SH3KBP1: variants seen among roughly 807,000 people sequenced by gnomAD.
SH3KBP1 encodes the protein SH3 domain containing kinase binding protein 1.
SH3KBP1 carries 8 observed loss-of-function variants against 50.1 expected under a neutral mutation model. That is an observed-to-expected ratio of 0.16 (90% CI 0.09 to 0.29). The LOEUF is 0.29. SH3KBP1 is among the 10% of genes least tolerant of loss of function. SH3KBP1 has a pLI of 1.00. For missense variants in SH3KBP1, 377 were observed against 535.2 expected (o/e 0.70, Z 2.92); for synonymous variants, 227 against 218.6 (o/e 1.04, Z -0.34).
intron 1 of SH3KBP1, among the ~76,000 whole-genome samples, chrX:19,869,071 G>A (rs962587624): frequency 9.0e-6 from 1 of 111,173 alleles, no homozygotes; most frequent in African/African-American, 3.3e-5. Flanking sequence ...GGTGATGTGA[G>A]GAAGAGGCCA....
At chrX:19,721,510 T>A (rs1342561110) in intron 3 of SH3KBP1, among the ~76,000 whole-genome samples, 1 of 112,391 alleles carries the variant, frequency 8.9e-6, no homozygotes, top group African/African-American at 3.2e-5. Flanking sequence ...TAATAAAGCA[T>A]ATGTCTTGCT....
At chrX:19,684,215 C>A (rs190098660) in intron 5 of SH3KBP1, among the ~76,000 whole-genome samples, 187 bp from the exon 6 acceptor site, 43 of 112,252 alleles carry the variant, frequency 3.8e-4, no homozygotes, top group Non-Finnish European at 6.9e-4. Context: ...TCTCCCCACC[C>A]CTTACTTTTA....
At chrX:19,587,321 G>A (rs1214942744) in intron 12 of SH3KBP1, among the ~76,000 whole-genome samples, 1 of 110,853 alleles carries the variant, frequency 9.0e-6, no homozygotes, top group African/African-American at 3.3e-5. Context: ...AATGGCGGCT[G>A]CCAGGGGCTG....
chrX:19,651,067 C>T lies in SH3KBP1; in HGVS notation c.727-5592G>A, dbSNP rs770918064. Among the ~76,000 whole-genome samples the T allele has an allele frequency of 2.7e-5, 3 of 110,546 alleles. No homozygotes were observed. In the South Asian group the frequency reaches 1.2e-3, roughly 43 times the overall value. ...CTTTTTATATTTATTTTTACATGTC[C>T]CCTTCATGAACACCTATGACAGATG... is the stretch of plus-strand genomic sequence containing the variant. On this transcript the variant is annotated intron_variant, in intron 6 of 17. Coordinates refer to ENST00000397821, the MANE Select transcript of SH3KBP1 (RefSeq NM_031892.3).
intron 5 of SH3KBP1, among the ~76,000 whole-genome samples, chrX:19,692,253 G>A (rs2148626480): frequency 9.0e-6 from 1 of 111,371 alleles, no homozygotes; most frequent in South Asian, 3.7e-4. Flanking sequence ...ATCTAAGAAA[G>A]TTTAGAGACT....
chrX:19,810,762 T>TA (rs988562915), intron 2 of SH3KBP1, among the ~76,000 whole-genome samples: 32 of 111,593 alleles, frequency 2.9e-4, no homozygotes, highest in African/African-American at 9.4e-4. Context: ...TAAATTGAAT[T>TA]AAAAAAAATC....
intron 3 of SH3KBP1, among the ~76,000 whole-genome samples, chrX:19,741,323 C>A (rs970311677): frequency 1.8e-5 from 2 of 111,992 alleles, no homozygotes; most frequent in East Asian, 5.6e-4. Context: ...AGACCTGTTA[C>A]AAATAACATC....
intron 2 of SH3KBP1, among the ~76,000 whole-genome samples, chrX:19,765,028 G>A (rs2065559585): frequency 1.1e-5 from 1 of 90,547 alleles, no homozygotes; most frequent in African/African-American, 4.2e-5. Context: ...TAGAGACGGG[G>A]TTTCACCATG....
chrX:19,871,406 T>C (rs2069037472), intron 1 of SH3KBP1, among the ~76,000 whole-genome samples: 1 of 112,640 alleles, frequency 8.9e-6, no homozygotes, highest in Non-Finnish European at 1.9e-5. Context: ...TTGTTTGTCC[T>C]ACAAATTCAA....
chrX:19,541,865 G>A (rs2064914959), intron 16 of SH3KBP1, 60 bp downstream of exon 16: 1 of 1,145,155 alleles, frequency 8.7e-7, no homozygotes, highest in Non-Finnish European at 1.2e-6. Flanking sequence ...TTCAGAACTA[G>A]GTGCTGGCCT....
chrX:19,655,316 G>A (rs998884373), intron 6 of SH3KBP1, among the ~76,000 whole-genome samples: 2 of 112,117 alleles, frequency 1.8e-5, no homozygotes, highest in Non-Finnish European at 3.8e-5. Flanking sequence ...GCCAGATGCT[G>A]TATCTACAAA....
At chrX:19,876,204 C>CA (rs1431821974) in intron 1 of SH3KBP1, among the ~76,000 whole-genome samples, 1 of 110,764 alleles carries the variant, frequency 9.0e-6, no homozygotes, top group Non-Finnish European at 1.9e-5. Context: ...ACTAAAAATA[C>CA]AAAAAAATTA....
chrX:19,704,303 G>A (rs887055779), intron 4 of SH3KBP1, among the ~76,000 whole-genome samples: 3 of 112,569 alleles, frequency 2.7e-5, no homozygotes, highest in African/African-American at 6.5e-5. Context: ...ACAGCTCTGC[G>A]AGTGCTCCTC....
chrX:19,551,550 C>CTTTTTTTTTTTTTTTTTTTTTTT lies in SH3KBP1; in HGVS notation c.1385-1468_1385-1467insAAAAAAAAAAAAAAAAAAAAAAA, dbSNP rs397800260. The stretch of plus-strand genomic sequence containing the variant: ...CTTTCTTTTCTTTCCCTCCCTCCCT[C>CTTTTTTTTTTTTTTTTTTTTTTT]TTTTTTTTTTTTTTGACAGGGTCTT... On this transcript the variant is annotated intron_variant, in intron 13 of 17. Transcript: ENST00000397821. Among the ~76,000 whole-genome samples the CTTTTTTTTTTTTTTTTTTTTTTT allele has an allele frequency of 1.1e-3, 100 of 95,106 alleles. 5 individuals carry two copies. Among genetic ancestry groups the CTTTTTTTTTTTTTTTTTTTTTTT allele is most frequent in the African/African-American group, 4.3e-3 (99 of 23,192 alleles). The allele number at this position is 95,106 out of a possible 115,157, so 82.6% of individuals were successfully genotyped here. A position where few individuals can be genotyped will look rare whatever the true frequency, so the allele number is the denominator to read the frequency against.
intron 3 of SH3KBP1, among the ~76,000 whole-genome samples, chrX:19,728,688 G>A (rs1371591528): frequency 9.0e-6 from 1 of 111,685 alleles, no homozygotes; most frequent in African/African-American, 3.3e-5. Context: ...TCCTGGGAAC[G>A]TTGGGGAGGG....
chrX:19,729,679 T>C (rs1382877181), intron 3 of SH3KBP1, among the ~76,000 whole-genome samples: 1 of 110,979 alleles, frequency 9.0e-6, no homozygotes, highest in Non-Finnish European at 1.9e-5. Context: ...ACCCACACCC[T>C]AAGGGCCCAC....
intron 3 of SH3KBP1, among the ~76,000 whole-genome samples, chrX:19,715,042 G>T (rs929667342): frequency 9.0e-6 from 1 of 111,568 alleles, no homozygotes; most frequent in Non-Finnish European, 1.9e-5. Context: ...GGGAGGCCAA[G>T]GCAGGAAGAT....
At chrX:19,858,463 G>C (rs2068707051) in intron 1 of SH3KBP1, among the ~76,000 whole-genome samples, 1 of 110,517 alleles carries the variant, frequency 9.0e-6, no homozygotes, top group African/African-American at 3.3e-5. Flanking sequence ...TCTACAAAAA[G>C]AAAAACTGTT....
chrX:19,651,938 C>T lies in SH3KBP1; in HGVS notation c.727-6463G>A, dbSNP rs761760562. Among the ~76,000 whole-genome samples, 8 of 111,830 alleles carry T rather than the reference C, an allele frequency of 7.2e-5. No individual in the cohort carries two copies. The Admixed American group carries it at 7.6e-4, about 11-fold the overall frequency. On this transcript the variant is annotated intron_variant, in intron 6 of 17. Transcript: ENST00000397821. ...TTTCCTTCAGAAATAGTGCCCACCT[C>T]GAGAGTAGGACCTAAATGCTCATTA...
Sources: gnomAD v4.1 joint callset for allele counts (sites outside exome capture counted in the v4.1 genomes callset) on GRCh38, gnomAD v4.1.1 for gene constraint, MANE v1.5 for transcripts, NCBI Gene and HGNC (gene_info 2026-07-23, HGNC 2026-07-21) for gene names.